The following NAV3 variants were observed in gnomAD, a reference collection of about 807,000 sequenced individuals.
NAV3 encodes neuron navigator 3, also known as pore membrane and/or filament interacting like protein 1.
NAV3 carries 87 observed loss-of-function variants against 244.7 expected under a neutral mutation model. That is an observed-to-expected ratio of 0.36 (90% CI 0.30 to 0.42). The LOEUF (loss-of-function observed/expected upper bound fraction) is 0.42. NAV3 is among the 20% of genes least tolerant of loss of function. The probability of loss-of-function intolerance (pLI) is 1.00; values close to 1 mark genes in which losing one functional copy is unlikely to be tolerated. For missense variants in NAV3, 2,663 were observed against 2,893.3 expected, an observed-to-expected ratio of 0.92 and a Z score of 1.83; for synonymous variants, 1,126 against 1,042.2, an observed-to-expected ratio of 1.08 and a Z score of -1.55.
At chr12:77,988,370 A>G (rs1325819809) in intron 5 of NAV3, among the ~76,000 whole-genome samples, 1 of 152,154 alleles carries the variant, frequency 6.6e-6, no homozygotes, top group Non-Finnish European at 1.5e-5. Flanking sequence ...CAATAAATGG[A>G]TTTTATAACT....
chr12:77,853,798 A>C (rs1877925814), intron 1 of NAV3, among the ~76,000 whole-genome samples: 1 of 152,218 alleles, frequency 6.6e-6, no homozygotes, highest in African/African-American at 2.4e-5. Context: ...ATATTTCATA[A>C]GGTATAAATT....
intron 1 of NAV3, among the ~76,000 whole-genome samples, chr12:77,845,554 C>T (rs1876476784): frequency 6.6e-6 from 1 of 151,726 alleles, no homozygotes; most frequent in Non-Finnish European, 1.5e-5. Context: ...GTGGAATAGA[C>T]AGAAATTTTC....
intron 2 of NAV3, among the ~76,000 whole-genome samples, chr12:77,678,877 G>C (rs1465872027): frequency 2.0e-5 from 3 of 152,164 alleles, no homozygotes; most frequent in Admixed American, 2.0e-4. Context: ...AATTAAGGGA[G>C]TGTGCCCAGT....
intron 1 of NAV3, among the ~76,000 whole-genome samples, chr12:77,903,273 A>G (rs1233548553): frequency 6.6e-6 from 1 of 152,212 alleles, no homozygotes; most frequent in Admixed American, 6.5e-5. Context: ...CCAAAACAGC[A>G]TGGTACTAGT....
rs914553886 is a variant in NAV3 at position 78,045,943 on chromosome 12, T to C, written c.2024-4050T>C. Among the ~76,000 whole-genome samples the C allele has an allele frequency of 1.4e-4, 21 of 152,340 alleles. 1 individual carries two copies. Among genetic ancestry groups the C allele is most frequent in the African/African-American group, 5.1e-4 (21 of 41,570 alleles). ...TTGGTCTATTCAGGGATTCGACTTC[T>C]TCCTGGTTTAGTCTTGGGAGGGTGT... On this transcript the variant is annotated intron_variant, in intron 9 of 39. Transcript: ENST00000397909.
In NAV3 at chr12:77,998,368, G is replaced by C; in HGVS notation, c.772G>C (p.Gly258Arg). The C allele has an allele frequency of 1.2e-6, 2 of 1,601,352 alleles. No individual in the cohort carries two copies. The highest frequency in any genetic ancestry group is 1.7e-6 in the Non-Finnish European group (2 of 1,174,036). ...AGGGCCCTCTAGGGTGCCTGCTGCA[G>C]GAAGCAGCAGCAAGGTCCAGGGAGC... Reference protein sequence around the residue: ...LPGPSRVPAAGSSSKVQGASN... With the variant: ...LPGPSRVPAARSSSKVQGASN... The change falls in exon 7 of 40, where the codon GGA (glycine) becomes CGA (arginine). Residue 258 changes from glycine (G) to arginine (R), a missense_variant. Physicochemically the swap from Gly to Arg is moderately radical, Grantham distance 125 (BLOSUM62 -2). Transcript: ENST00000397909.
intron 2 of NAV3, among the ~76,000 whole-genome samples, chr12:77,586,891 T>G (rs144699253): frequency 3.3e-5 from 5 of 152,240 alleles, no homozygotes; most frequent in East Asian, 1.9e-4. Context: ...GAGAATACAA[T>G]GTAGAATGGG....
chr12:78,042,232 T>A (rs1245428569), intron 9 of NAV3, among the ~76,000 whole-genome samples: 2 of 152,330 alleles, frequency 1.3e-5, no homozygotes, highest in East Asian at 1.9e-4. Context: ...TGTATGACTA[T>A]CAACAAAATG....
chr12:77,966,218 T>C lies in NAV3; in HGVS notation c.415-11T>C. 1.2e-6 allele frequency: 2 copies of C among 1,613,110 alleles called. No homozygotes were observed. Among genetic ancestry groups the C allele is most frequent in the Non-Finnish European group, 1.7e-6 (2 of 1,179,522 alleles). ...CTCTAAGTTGCTTTTTCACTGCTTT[T>C]CATGTTGCAGATTGAAAATGTTGAT... On this transcript the variant is annotated splice_polypyrimidine_tract_variant and intron_variant, in intron 3 of 39. Transcript: ENST00000397909.
At chr12:78,047,000 T>C (rs1301705644) in intron 9 of NAV3, among the ~76,000 whole-genome samples, 1 of 152,210 alleles carries the variant, frequency 6.6e-6, no homozygotes, top group Admixed American at 6.5e-5. Context: ...CTTCTTTGTC[T>C]TTTTTTATAT....
intron 1 of NAV3, among the ~76,000 whole-genome samples, chr12:77,860,005 A>G (rs1470313070): frequency 6.6e-6 from 1 of 151,898 alleles, no homozygotes; most frequent in Admixed American, 6.6e-5. Flanking sequence ...ATTTCCCTGT[A>G]TGTTAAAAAG....
Position 78,140,277 on chromosome 12 carries a change from T to C in NAV3, c.4631-5T>C, listed in dbSNP as rs2139063892. The C allele has an allele frequency of 6.2e-7, 1 of 1,612,626 alleles. No individual in the cohort carries two copies. The highest frequency in any genetic ancestry group is 2.2e-5 in the East Asian group (1 of 44,862). ...TAACTCTATTGTTCTGTTTGTTTTC[T>C]CCAGTTCATGGCTCTTCATTATCAC... On this transcript the variant is annotated splice_polypyrimidine_tract_variant and splice_region_variant and intron_variant, in intron 19 of 39. Transcript: ENST00000397909.
chr12:78,015,531 G>A (rs577938252), intron 8 of NAV3, among the ~76,000 whole-genome samples: 1 of 151,922 alleles, frequency 6.6e-6, no homozygotes, highest in East Asian at 1.9e-4. Flanking sequence ...ATGATACTGT[G>A]TTTTTCCTGT....
intron 2 of NAV3, among the ~76,000 whole-genome samples, chr12:77,653,668 G>C (rs572062863): frequency 2.6e-5 from 4 of 152,302 alleles, no homozygotes; most frequent in African/African-American, 9.6e-5. Flanking sequence ...ATGGGATGTT[G>C]CTGGGAGGAG....
intron 2 of NAV3, among the ~76,000 whole-genome samples, chr12:77,643,473 G>A (rs1357853811): frequency 6.6e-6 from 1 of 151,572 alleles, no homozygotes; most frequent in Non-Finnish European, 1.5e-5. Context: ...AGTAATTACT[G>A]TCTTAGCATC....
At chr12:78,049,734 AT>A (rs145667176) in intron 9 of NAV3, among the ~76,000 whole-genome samples, 11 of 151,796 alleles carry the variant, frequency 7.2e-5, no homozygotes, top group East Asian at 1.9e-4. Context: ...TTTCCAAGTG[AT>A]TTTTTTTTAT....
intron 9 of NAV3, among the ~76,000 whole-genome samples, chr12:78,039,996 G>A (rs576758148): frequency 2.0e-5 from 3 of 152,156 alleles, no homozygotes; most frequent in East Asian, 3.9e-4. Flanking sequence ...CATTTCTCAC[G>A]TGCATTTTTC....
chr12:77,925,955 A>G (rs1231818931), intron 1 of NAV3, among the ~76,000 whole-genome samples: 2 of 152,192 alleles, frequency 1.3e-5, no homozygotes, highest in Non-Finnish European at 2.9e-5. Flanking sequence ...AAGTAGTCTA[A>G]TATTTGCTTA....
chr12:77,961,969 A>T (rs1238594896), intron 3 of NAV3, among the ~76,000 whole-genome samples: 1 of 152,006 alleles, frequency 6.6e-6, no homozygotes, highest in East Asian at 1.9e-4. Flanking sequence ...ACCTTTCATG[A>T]ATTTATTTAT....
Sources: gnomAD v4.1 joint callset for allele counts (sites outside exome capture counted in the v4.1 genomes callset) on GRCh38, gnomAD v4.1.1 for gene constraint, MANE v1.5 for transcripts, NCBI Gene and HGNC (gene_info 2026-07-23, HGNC 2026-07-21) for gene names.